TRPM3: variants seen among roughly 807,000 people sequenced by gnomAD.
The protein encoded by TRPM3 is long transient receptor potential channel 3.
A neutral mutation model predicts 181.2 loss-of-function variants in TRPM3; 77 were observed. The ratio of observed to expected loss-of-function variants is 0.42; its 90% CI spans 0.35 to 0.51. The LOEUF is 0.51. Among genes scored for constraint, TRPM3 ranks in the 20% least tolerant of loss-of-function variants. The pLI, the probability that TRPM3 is intolerant of heterozygous loss-of-function variation, is 0.01. For synonymous variants in TRPM3, 745 were observed against 796.4 expected, an observed-to-expected ratio of 0.94 and a Z score of 1.09; for missense variants, 1,759 against 2,196.7, an observed-to-expected ratio of 0.80 and a Z score of 3.98.
intron 1 of TRPM3, among the ~76,000 whole-genome samples, chr9:71,247,721 C>T (rs1322659294): frequency 2.0e-5 from 3 of 152,010 alleles, no homozygotes; most frequent in Non-Finnish European, 4.4e-5. Flanking sequence ...GAAGAGCTCC[C>T]GTGGGCAATG....
At chr9:71,153,483 G>A (rs988919270) in intron 1 of TRPM3, among the ~76,000 whole-genome samples, 2 of 151,696 alleles carry the variant, frequency 1.3e-5, no homozygotes, top group African/African-American at 4.8e-5. Context: ...TAGAGATGGG[G>A]TTTTGCCATG....
rs75746449 is a variant in TRPM3 at position 70,999,764 on chromosome 9, G to A, written c.177+121414C>T. The stretch of plus-strand genomic sequence containing the variant: ...ATTCTCCAGCACCTTTCAATGTCAC[G>A]CCAGAAAAAGGTGCAGCTCTTTCTG... On this transcript the variant is annotated intron_variant, in intron 1 of 25. Coordinates refer to ENST00000677713, the MANE Select transcript of TRPM3 (RefSeq NM_001366145.2). 5.0e-3 allele frequency among the ~76,000 whole-genome samples: 758 copies of A among 152,180 alleles called. 19 individuals are homozygous for A. In the East Asian group the frequency reaches 0.078, roughly 16 times the overall value.
At chr9:71,209,319 G>A (rs1159314977) in intron 1 of TRPM3, among the ~76,000 whole-genome samples, 3 of 132,332 alleles carry the variant, frequency 2.3e-5, no homozygotes, top group Non-Finnish European at 4.7e-5. Flanking sequence ...AAAGAAAGGA[G>A]CTTTACATGA....
At chr9:70,775,601 T>C (rs1167299387) in intron 7 of TRPM3, 1 of 152,194 alleles carries the variant, frequency 6.6e-6, no homozygotes, top group Non-Finnish European at 1.5e-5. Context: ...GCTCCACAGC[T>C]GCCTCAGAGC....
intron 21 of TRPM3, among the ~76,000 whole-genome samples, chr9:70,593,582 A>G (rs2058492801): frequency 6.6e-6 from 1 of 152,170 alleles, no homozygotes; most frequent in Non-Finnish European, 1.5e-5. Context: ...TGTGCTATCT[A>G]TCCAAAGGGT....
At chr9:71,364,809 C>G (rs924884673) in intron 1 of TRPM3, among the ~76,000 whole-genome samples, 3 of 152,164 alleles carry the variant, frequency 2.0e-5, no homozygotes, top group African/African-American at 7.2e-5. Flanking sequence ...ATTAAGCAAA[C>G]CAGTAACTGA....
At chr9:70,636,886 T>C (rs374308010) in intron 11 of TRPM3, among the ~76,000 whole-genome samples, 237 of 151,974 alleles carry the variant, frequency 1.6e-3, no homozygotes, top group African/African-American at 5.4e-3. Flanking sequence ...CGGAGTTTCA[T>C]CATGTTGGCC....
chr9:71,305,859 T>G (rs2087252223), intron 1 of TRPM3, among the ~76,000 whole-genome samples: 1 of 152,158 alleles, frequency 6.6e-6, no homozygotes, highest in Non-Finnish European at 1.5e-5. Context: ...TACCTTATAT[T>G]TGGATCAGAA....
intron 9 of TRPM3, 47 bp from the exon 10 acceptor site, chr9:70,640,707 G>A (rs1370235433): frequency 6.1e-6 from 9 of 1,475,582 alleles, no homozygotes; most frequent in Admixed American, 5.2e-5. Context: ...AGAAAACGAC[G>A]ATCAGTTATT....
At chr9:70,629,234 C>T (rs1323939722) in intron 12 of TRPM3, among the ~76,000 whole-genome samples, 1 of 55,302 alleles carries the variant, frequency 1.8e-5, no homozygotes, top group Non-Finnish European at 3.6e-5. Flanking sequence ...GGGGGGCCTG[C>T]GTTCTGTTTG....
chr9:71,267,918 G>A lies in TRPM3; in HGVS notation c.183+178735C>T, dbSNP rs570044180. 1.8e-4 allele frequency among the ~76,000 whole-genome samples: 27 copies of A among 152,232 alleles called. No individual in the cohort carries two copies. In the South Asian group the frequency reaches 2.1e-3, roughly 12 times the overall value. ...TCCTAGGGTGTACAAAAAAGATAGGGATTACTTCCCACTTCAATGTATTTA... is the reference window on the plus strand; with the variant it reads ...TCCTAGGGTGTACAAAAAAGATAGGAATTACTTCCCACTTCAATGTATTTA... On this transcript the variant is annotated intron_variant, in intron 1 of 24. Coordinates refer to the TRPM3 transcript ENST00000357533.
At chr9:71,069,906 C>T (rs614543) in intron 1 of TRPM3, among the ~76,000 whole-genome samples, 35,500 of 152,108 alleles carry the variant, frequency 0.23, 4,918 homozygotes, top group East Asian at 0.41. Flanking sequence ...CAGTGCCCAG[C>T]GAAAATTAAT....
chr9:70,624,294 A>G (rs900930594), intron 14 of TRPM3, among the ~76,000 whole-genome samples: 15 of 152,128 alleles, frequency 9.9e-5, no homozygotes, highest in African/African-American at 3.4e-4. Flanking sequence ...ATTTTATTGT[A>G]TTGTTTTAGA....
chr9:71,446,466 A>C (rs1449131190), intron 1 of TRPM3, among the ~76,000 whole-genome samples: 2 of 152,086 alleles, frequency 1.3e-5, no homozygotes, highest in African/African-American at 4.8e-5. Context: ...TCCCCTGCTG[A>C]AGGGAGGGAA....
intron 1 of TRPM3, among the ~76,000 whole-genome samples, chr9:71,360,292 C>T (rs987204970): frequency 5.9e-5 from 9 of 152,068 alleles, no homozygotes; most frequent in Admixed American, 2.6e-4. Context: ...TGACCTTGAA[C>T]GAGTCTCTAC....
chr9:71,016,282 G>C (rs369426889), intron 1 of TRPM3, among the ~76,000 whole-genome samples: 2 of 150,520 alleles, frequency 1.3e-5, no homozygotes, highest in Admixed American at 6.7e-5. Flanking sequence ...ATAATGTAAT[G>C]TTTTCCATTT....
intron 1 of TRPM3, among the ~76,000 whole-genome samples, chr9:71,168,295 T>C (rs189051422): frequency 6.6e-6 from 1 of 152,246 alleles, no homozygotes; most frequent in East Asian, 1.9e-4. Context: ...TTTCACTCTT[T>C]TGTACTTGTT....
intron 9 of TRPM3, among the ~76,000 whole-genome samples, chr9:70,671,594 T>G (rs2062947080): frequency 6.6e-6 from 1 of 152,328 alleles, no homozygotes; most frequent in South Asian, 2.1e-4. Flanking sequence ...TTAGGTTTAC[T>G]TGAAGTAAAC....
intron 6 of TRPM3, among the ~76,000 whole-genome samples, chr9:70,816,327 GTTATT>G (rs939128397): frequency 2.0e-5 from 3 of 152,210 alleles, no homozygotes; most frequent in African/African-American, 7.2e-5. Context: ...TCACTTAGGT[GTTATT>G]AAAGTATAAG....
Sources: gnomAD v4.1 joint callset for allele counts (sites outside exome capture counted in the v4.1 genomes callset) on GRCh38, gnomAD v4.1.1 for gene constraint, MANE v1.5 for transcripts, NCBI Gene and HGNC (gene_info 2026-07-23, HGNC 2026-07-21) for gene names.